TFDP1: variants seen among roughly 807,000 people sequenced by gnomAD.
TFDP1 encodes the protein DRTF1-polypeptide 1.
In TFDP1, 6 loss-of-function variants were observed where a neutral mutation model predicts 48.0. That is an observed-to-expected ratio of 0.13 (90% confidence interval 0.07 to 0.25). TFDP1 has a LOEUF of 0.25. Among genes scored for constraint, TFDP1 ranks in the 10% least tolerant of loss-of-function variants. TFDP1 has a pLI of 1.00. For synonymous variants in TFDP1, 201 were observed against 211.6 expected (o/e 0.95, Z 0.44); for missense variants, 335 against 543.0 (o/e 0.62, Z 3.81).
At chr13:113,618,879 G>A (rs2048925672) in intron 3 of TFDP1, among the ~76,000 whole-genome samples, 1 of 152,170 alleles carries the variant, frequency 6.6e-6, no homozygotes. Context: ...TGCAGAATGC[G>A]AGCCATATAA....
At chr13:113,590,870 CATG>C (rs1485736647) in intron 2 of TFDP1, among the ~76,000 whole-genome samples, 2 of 151,776 alleles carry the variant, frequency 1.3e-5, no homozygotes, top group Admixed American at 6.6e-5. Context: ...ATTAGCCAGG[CATG>C]GTGGTGGGCG....
chr13:113,609,798 G>GC (rs1298409384), intron 2 of TFDP1, among the ~76,000 whole-genome samples: 2 of 152,104 alleles, frequency 1.3e-5, no homozygotes, highest in East Asian at 3.9e-4. Flanking sequence ...CCTCATCGCT[G>GC]CCCCCCAGCC....
intron 4 of TFDP1, among the ~76,000 whole-genome samples, chr13:113,626,789 TA>T (rs1289217825): frequency 1.3e-5 from 2 of 152,244 alleles, no homozygotes; most frequent in Non-Finnish European, 2.9e-5. Context: ...TTTTGCTTGA[TA>T]ATTAGATTAT....
chr13:113,622,246 A>G lies in TFDP1; in HGVS notation c.80-934A>G, dbSNP rs1365539403. On this transcript the variant is annotated intron_variant, in intron 3 of 11. Coordinates refer to ENST00000375370, the MANE Select transcript of TFDP1 (RefSeq NM_007111.5). ...TTGGTGGTAGTGGTCCCCCGGGCCC[A>G]GCTGCCTTTTCTTTTATCTCTTTGT... is the stretch of plus-strand genomic sequence containing the variant. Among the ~76,000 whole-genome samples, 4 of 152,222 alleles carry G rather than the reference A, an allele frequency of 2.6e-5. No individual in the cohort carries two copies. The East Asian group carries it at 5.8e-4, about 22-fold the overall frequency.
intron 11 of TFDP1, 25 bp from the exon 12 acceptor site, chr13:113,640,095 G>C: frequency 6.4e-7 from 1 of 1,564,218 alleles, no homozygotes; most frequent in Non-Finnish European, 8.7e-7. Flanking sequence ...TGCACTGACG[G>C]CGCCATCCGC....
chr13:113,608,724 T>C (rs1478940863), intron 2 of TFDP1, among the ~76,000 whole-genome samples: 2 of 152,252 alleles, frequency 1.3e-5, no homozygotes, highest in African/African-American at 4.8e-5. Flanking sequence ...CCCAGTGTGC[T>C]TGCTTTCACC....
chr13:113,631,870 C>T, intron 5 of TFDP1, 126 bp downstream of exon 5: 1 of 1,296,184 alleles, frequency 7.7e-7, no homozygotes, highest in Non-Finnish European at 1.1e-6. Context: ...ACGCCAGCCT[C>T]CGAATCACAC....
chr13:113,611,308 G>A (rs922534835), intron 3 of TFDP1, among the ~76,000 whole-genome samples: 6 of 152,236 alleles, frequency 3.9e-5, no homozygotes, highest in Non-Finnish European at 8.8e-5. Flanking sequence ...CAAAAGTTTA[G>A]AAAAGGTAGA....
intron 11 of TFDP1, among the ~76,000 whole-genome samples, chr13:113,639,116 A>G (rs2049577224): frequency 6.6e-6 from 1 of 152,256 alleles, no homozygotes; most frequent in Non-Finnish European, 1.5e-5. Flanking sequence ...TGAGGTGGTG[A>G]TGGAAGAAAG....
At position 113,607,184 on chromosome 13, in the gene TFDP1, CGGCAGCACTGTTGCT is replaced by C. The variant is rs1260020752; in HGVS notation, c.13-3810_13-3796del. Among the ~76,000 whole-genome samples, 4 of 152,324 alleles carry C rather than the reference CGGCAGCACTGTTGCT, an allele frequency of 2.6e-5. No homozygotes were observed. The highest frequency in any genetic ancestry group is 9.6e-5 in the African/African-American group (4 of 41,572). On this transcript the variant is annotated intron_variant, in intron 2 of 11. Coordinates refer to ENST00000375370, the MANE Select transcript of TFDP1 (RefSeq NM_007111.5). The surrounding 1 kb of genome is among the most constrained non-coding windows in gnomAD (Gnocchi z 5.2). ...CCTGACAGAGCCGTGCAGGCGGCAG[CGGCAGCACTGTTGCT>C]GCGGCTGAGACAGCGCAGGGCGTCA...
At position 113,634,605 on chromosome 13, in the gene TFDP1, A is replaced by G. The variant is rs375854248; in HGVS notation, c.687+3A>G. The G allele has an allele frequency of 6.2e-7, 1 of 1,606,210 alleles. No homozygotes were observed. Among genetic ancestry groups the G allele is most frequent in the Non-Finnish European group, 8.5e-7 (1 of 1,175,150 alleles). The stretch of plus-strand genomic sequence containing the variant: ...AACTTCAAGAACTTATTCTACAGGT[A>G]AGAGAATACGTATCTGTGGAGGCAG... On this transcript the variant is annotated splice_donor_region_variant and intron_variant, in intron 8 of 11. Coordinates refer to ENST00000375370, the MANE Select transcript of TFDP1 (RefSeq NM_007111.5).
At chr13:113,605,215 G>A (rs1276480522) in intron 2 of TFDP1, among the ~76,000 whole-genome samples, 1 of 152,152 alleles carries the variant, frequency 6.6e-6, no homozygotes, top group African/African-American at 2.4e-5. Flanking sequence ...GGGTGTCAGA[G>A]AGTGAGTGTG....
At position 113,640,425 on chromosome 13, in the gene TFDP1, C is replaced by T. The variant is rs190739978; in HGVS notation, c.*158C>T. ...ACCTCTGATAAGCAAGGATTGTTTCCCGTAGGATTAGGACGTGCTGTGGAT... is the reference window on the plus strand; with the variant it reads ...ACCTCTGATAAGCAAGGATTGTTTCTCGTAGGATTAGGACGTGCTGTGGAT... On this transcript the variant is annotated 3_prime_UTR_variant, in exon 12 of 12. Coordinates refer to ENST00000375370, the MANE Select transcript of TFDP1 (RefSeq NM_007111.5). The T allele has an allele frequency of 6.3e-6, 8 of 1,274,804 alleles. No homozygotes were observed. In the East Asian group the frequency reaches 2.2e-4, roughly 35 times the overall value. The allele number at this position is 1,274,804 out of a possible 1,614,324, so 79.0% of individuals were successfully genotyped here.
At chr13:113,603,304 A>G (rs4150712) in intron 2 of TFDP1, among the ~76,000 whole-genome samples, 67,214 of 152,112 alleles carry the variant, frequency 0.44, 16,074 homozygotes, top group African/African-American at 0.63. Flanking sequence ...GTGTGTCCCC[A>G]GGGGAGGAGC....
In TFDP1 at chr13:113,611,636, G is replaced by C. The variant is rs4150735; in HGVS notation, c.79+574G>C. 3.3e-3 allele frequency among the ~76,000 whole-genome samples: 499 copies of C among 151,908 alleles called. 2 individuals are homozygous for C. The highest frequency in any genetic ancestry group is 0.011 in the African/African-American group (474 of 41,398). On this transcript the variant is annotated intron_variant, in intron 3 of 11. Transcript: ENST00000375370. ...TTTCCATTTTACACCTCGGAGTGGT[G>C]CTGTGGTTTACGTTCGTGAAGGTGT...
At chr13:113,639,709 C>T (rs1164990673) in intron 11 of TFDP1, among the ~76,000 whole-genome samples, 1 of 152,352 alleles carries the variant, frequency 6.6e-6, no homozygotes, top group East Asian at 1.9e-4. Flanking sequence ...ATTCGACCCA[C>T]GCTCTGGACT....
intron 4 of TFDP1, among the ~76,000 whole-genome samples, chr13:113,625,350 G>GTCTCTCACGTGTCCTCAGGCA (rs2049120361): frequency 4.0e-5 from 5 of 126,044 alleles, no homozygotes; most frequent in African/African-American, 1.3e-4. Flanking sequence ...GTCCTCAGGC[G>GTCTCTCACGTGTCCTCAGGCA]TCTCTCACGT....
rs1491295714 is a variant in TFDP1 at position 113,614,151 on chromosome 13, CAT to C, written c.79+3090_79+3091del. Among the ~76,000 whole-genome samples the C allele has an allele frequency of 2.7e-5, 4 of 149,196 alleles. No homozygotes were observed. The East Asian group carries it at 8.0e-4, about 30-fold the overall frequency. The stretch of plus-strand genomic sequence containing the variant: ...GTGCATGGAGTGTTATGTGCGTGTG[CAT>C]GTGTGTGTGTTGTGTGCATGAGTTG... On this transcript the variant is annotated intron_variant, in intron 3 of 11. Coordinates refer to ENST00000375370, the MANE Select transcript of TFDP1 (RefSeq NM_007111.5).
intron 3 of TFDP1, among the ~76,000 whole-genome samples, chr13:113,618,183 A>C (rs1408820536): frequency 6.6e-6 from 1 of 152,216 alleles, no homozygotes; most frequent in East Asian, 1.9e-4. Flanking sequence ...AGTCTTATCA[A>C]GAAAATGTGT....
Sources: allele counts gnomAD v4.1 joint callset (sites outside exome capture counted in the v4.1 genomes callset), GRCh38; gene constraint gnomAD v4.1.1; non-coding constraint Gnocchi (gnomAD v3.1); transcripts MANE v1.5; gene names NCBI Gene and HGNC (gene_info 2026-07-23, HGNC 2026-07-21).